Variants in SH3TC1 observed in about 807,000 individuals in gnomAD.
SH3TC1 encodes SH3 domain and tetratricopeptide repeat-containing protein 1.
SH3TC1 carries 135 observed loss-of-function variants against 117.3 expected under a neutral mutation model. That is an observed-to-expected ratio of 1.15 (90% CI 1.00 to 1.33). The LOEUF is 1.33. SH3TC1 is among the 40% of genes most tolerant of loss of function. The pLI, the probability that SH3TC1 is intolerant of heterozygous loss-of-function variation, is 0.00. For synonymous variants in SH3TC1, 898 were observed against 816.9 expected, an observed-to-expected ratio of 1.10 and a Z score of -1.69; for missense variants, 2,092 against 1,794.3, an observed-to-expected ratio of 1.17 and a Z score of -3.00.
chr4:8,185,502 C>G (rs148510965), intron 1 of SH3TC1, among the ~76,000 whole-genome samples: 77 of 152,222 alleles, frequency 5.1e-4, no homozygotes, highest in Non-Finnish European at 4.7e-4. Flanking sequence ...GTTGCCAATG[C>G]ATTCATCCTC....
upstream of SH3TC1, among the ~76,000 whole-genome samples, chr4:8,197,200 C>A (rs1717581652): frequency 6.6e-6 from 1 of 152,108 alleles, no homozygotes; most frequent in South Asian, 2.1e-4. Flanking sequence ...CCACCTCTAG[C>A]CGGAGCATAC....
chr4:8,234,269 A>T (rs1033524333), intron 14 of SH3TC1, among the ~76,000 whole-genome samples: 1 of 151,192 alleles, frequency 6.6e-6, no homozygotes, highest in African/African-American at 2.4e-5. Flanking sequence ...TTGTCCACCC[A>T]TCCATTTATC....
In SH3TC1 at chr4:8,227,162, G is replaced by A. The variant is rs751786144; in HGVS notation, c.1468G>A (p.Glu490Lys). ...PEEPSFCLEA[E>K]DDWEDPEALS... ...GGAGCCCTCCTTCTGCTTGGAAGCC[G>A]AGGACGACTGGGAGGACCCAGAGGC... Residue 490 changes from glutamate to lysine, a missense_variant, in exon 12 of 18, where the codon GAG becomes AAG. Coordinates refer to ENST00000245105, the MANE Select transcript of SH3TC1 (RefSeq NM_018986.5). 1.1e-5 allele frequency: 18 copies of A among 1,606,824 alleles called. No homozygotes were observed. The highest frequency in any genetic ancestry group is 1.7e-4 in the Middle Eastern group (1 of 6,030).
At chr4:8,219,647 C>T (rs1376459170) in intron 9 of SH3TC1, 117 bp downstream of exon 9, 33 of 1,138,132 alleles carry the variant, frequency 2.9e-5, no homozygotes, top group Non-Finnish European at 3.9e-5. Context: ...TGGACGATGC[C>T]TAGTCTCTTC....
rs181086554 is a variant in SH3TC1, at chr4:8,188,384, C to A, written c.-57+6174C>A. Among the ~76,000 whole-genome samples, 884 of 152,354 alleles carry A rather than the reference C, an allele frequency of 5.8e-3. 22 individuals carry two copies. The highest frequency in any genetic ancestry group is 0.051 in the Admixed American group (783 of 15,306). Reference sequence around the variant, plus strand: ...GGATCTGGGCAACACCGCCTGCTGACCCTGCCCCACTGAATAATAATGACG... The same window carrying A: ...GGATCTGGGCAACACCGCCTGCTGAACCTGCCCCACTGAATAATAATGACG... On this transcript the variant is annotated intron_variant, in intron 1 of 16. Transcript: ENST00000508641.
At chr4:8,237,427 C>T (rs1372856163) in intron 16 of SH3TC1, 47 bp from the exon 17 acceptor site, 1 of 1,377,904 alleles carries the variant, frequency 7.3e-7, no homozygotes, top group African/African-American at 1.7e-5. Context: ...GCATGCCTGC[C>T]CCGGGGAGCC....
In SH3TC1 at chr4:8,212,166, G is replaced by T. The variant is rs765371891; in HGVS notation, c.248-535G>T. ...GACAGGGAAGAAGTGGAGAGGAGCCGGCTTAGGGAGGCAGAACTGAGATTT... is the reference window on the plus strand; with the variant it reads ...GACAGGGAAGAAGTGGAGAGGAGCCTGCTTAGGGAGGCAGAACTGAGATTT... On this transcript the variant is annotated intron_variant, in intron 3 of 17. Coordinates refer to ENST00000245105, the MANE Select transcript of SH3TC1 (RefSeq NM_018986.5). 3.3e-5 allele frequency among the ~76,000 whole-genome samples: 5 copies of T among 152,204 alleles called. No individual in the cohort carries two copies. In the East Asian group the frequency reaches 5.8e-4, roughly 18 times the overall value.
intron 1 of SH3TC1, among the ~76,000 whole-genome samples, chr4:8,194,181 CG>C (rs980834732): frequency 2.6e-5 from 4 of 151,908 alleles, no homozygotes; most frequent in African/African-American, 7.3e-5. Context: ...AAAGGGGCGG[CG>C]GGGGGTGTTG....
rs775373472 is a variant in SH3TC1, at chr4:8,231,964, T to C, written c.2951-12T>C. On this transcript the variant is annotated splice_polypyrimidine_tract_variant and intron_variant, in intron 12 of 17. Transcript: ENST00000245105. ...TGGGAGGCTGACGTCTTCCTTTTTG[T>C]CTTCTGCCCAGGCCAGCTGCGGGCC... is the stretch of plus-strand genomic sequence containing the variant. 17 of 1,609,352 alleles carry C rather than the reference T, an allele frequency of 1.1e-5. No individual in the cohort carries two copies. Among genetic ancestry groups the C allele is most frequent in the African/African-American group, 1.3e-5 (1 of 74,902 alleles).
rs564417489 is a variant in SH3TC1, at chr4:8,235,632, C to A, written c.3405+77C>A. ...GGGCTGAGGCACAGGTGTGGCAGGG[C>A]AGAGCCCTCGCACCTGGAGGCAGGG... On this transcript the variant is annotated intron_variant, in intron 15 of 17. Transcript: ENST00000245105. 18 of 1,467,440 alleles carry A rather than the reference C, an allele frequency of 1.2e-5. No homozygotes were observed. The Admixed American group carries it at 1.4e-4, about 12-fold the overall frequency. The allele number at this position is 1,467,440 out of a possible 1,614,324, so 90.9% of individuals were successfully genotyped here.
chr4:8,227,139 A>G lies in SH3TC1; in HGVS notation c.1445A>G (p.Glu482Gly), dbSNP rs1369191496. The G allele has an allele frequency of 1.9e-6, 3 of 1,611,414 alleles. No individual in the cohort carries two copies. Among genetic ancestry groups the G allele is most frequent in the East Asian group, 2.2e-5 (1 of 44,840 alleles). The change falls in exon 12 of 18, where the codon GAG becomes GGG. Residue 482 changes from glutamate (E) to glycine (G), a missense_variant. Physicochemically the swap from Glu to Gly is moderately conservative, Grantham distance 98 (BLOSUM62 -2). Coordinates refer to ENST00000245105, the MANE Select transcript of SH3TC1 (RefSeq NM_018986.5). ...GACGTGAGCTTGCAGGACCCCGAGG[A>G]GCCCTCCTTCTGCTTGGAAGCCGAG... ...SSDVSLQDPE[E>G]PSFCLEAEDD...
chr4:8,229,437 G>A (rs1268754252), intron 12 of SH3TC1, among the ~76,000 whole-genome samples: 2 of 124,516 alleles, frequency 1.6e-5, no homozygotes, highest in Non-Finnish European at 1.7e-5. Context: ...GTGTGATGGG[G>A]GTGAGTGAGC....
At chr4:8,224,518 A>G in intron 10 of SH3TC1, 1 of 152,508 alleles carries the variant, frequency 6.6e-6, no homozygotes, top group Non-Finnish European at 1.5e-5. Context: ...GAGGCATTGC[A>G]GGGTGCTCCC....
rs1381486122 is a variant in SH3TC1, at chr4:8,227,377, GCT to G, written c.1686_1687del (p.Cys563LeufsTer21). 2.6e-6 allele frequency: 4 copies of G among 1,562,622 alleles called. No homozygotes were observed. In the Admixed American group the frequency reaches 7.6e-5, roughly 30 times the overall value. ...KAGLLMALAR[L>X]CFLLGRLCSR... Reference sequence around the variant, plus strand: ...CTGGCCTCCTCATGGCCCTGGCCAGGCTCTGCTTCCTCCTGGGGCGGCTGTGC... The same window carrying G: ...CTGGCCTCCTCATGGCCCTGGCCAGGCTGCTTCCTCCTGGGGCGGCTGTGC... On this transcript the variant is annotated frameshift_variant, in exon 12 of 18. Coordinates refer to ENST00000245105, the MANE Select transcript of SH3TC1 (RefSeq NM_018986.5). LOFTEE classifies it high-confidence loss of function.
intron 13 of SH3TC1, chr4:8,232,724 G>A: frequency 7.8e-7 from 1 of 1,290,004 alleles, no homozygotes; most frequent in South Asian, 1.2e-5. Flanking sequence ...TGACATTGCT[G>A]CACTCACACC....
At chr4:8,236,622 T>C (rs1721843618) in intron 16 of SH3TC1, 194 bp downstream of exon 16, 9 of 603,384 alleles carry the variant, frequency 1.5e-5, no homozygotes, top group South Asian at 4.1e-5. Context: ...CAGAGCTCCC[T>C]GCCTGGCTGA....
rs1721959048 is a variant in SH3TC1, at chr4:8,237,776, G to A, written c.3753+106G>A. 4 of 1,262,742 alleles carry A rather than the reference G, an allele frequency of 3.2e-6. No homozygotes were observed. The East Asian group carries it at 8.2e-5, about 26-fold the overall frequency. The allele number at this position is 1,262,742 out of a possible 1,614,324, so 78.2% of individuals were successfully genotyped here. A position where few individuals can be genotyped will look rare whatever the true frequency, so the allele number is the denominator to read the frequency against. On this transcript the variant is annotated intron_variant, in intron 17 of 17. Coordinates refer to ENST00000245105, the MANE Select transcript of SH3TC1 (RefSeq NM_018986.5). The stretch of plus-strand genomic sequence containing the variant: ...TCCAGCCTTCCTTAAGAATGGCCCA[G>A]TGGCCTCCCTGGAGCGCTGCGCCCG...
At chr4:8,202,521 C>T (rs1256016263) in intron 1 of SH3TC1, among the ~76,000 whole-genome samples, 3 of 152,240 alleles carry the variant, frequency 2.0e-5, no homozygotes, top group Non-Finnish European at 2.9e-5. Flanking sequence ...CATTCCCGGC[C>T]CCCACAGGTC....
chr4:8,239,397 C>CACACAGGCACATGCACAAAT (rs945342812), intron 17 of SH3TC1, among the ~76,000 whole-genome samples: 5 of 145,564 alleles, frequency 3.4e-5, no homozygotes, highest in African/African-American at 7.8e-5. Flanking sequence ...GCCCCATGTA[C>CACACAGGCACATGCACAAAT]ACACAGGCAC....
Sources: gnomAD v4.1 joint callset for allele counts (sites outside exome capture counted in the v4.1 genomes callset) on GRCh38, gnomAD v4.1.1 for gene constraint, MANE v1.5 for transcripts, NCBI Gene and HGNC (gene_info 2026-07-23, HGNC 2026-07-21) for gene names.